The following CHD1L variants were observed in gnomAD, a reference collection of about 807,000 sequenced individuals.
CHD1L encodes the protein chromodomain helicase DNA binding protein 1 like.
Under a neutral mutation model 115.9 loss-of-function variants are expected in CHD1L, and 118 were observed. That is an observed-to-expected ratio of 1.02 (90% confidence interval 0.88 to 1.19). The LOEUF is 1.19. CHD1L is among the 50% of genes most tolerant of loss of function. The pLI, the probability that CHD1L is intolerant of heterozygous loss-of-function variation, is 0.00. For synonymous variants in CHD1L, 411 were observed against 387.1 expected (o/e 1.06, Z -0.72); for missense variants, 1,179 against 1,065.3 (o/e 1.11, Z -1.49).
intron 1 of CHD1L, among the ~76,000 whole-genome samples, chr1:147,249,310 A>G (rs1667613484): frequency 6.6e-6 from 1 of 151,156 alleles, no homozygotes; most frequent in Admixed American, 6.6e-5. Context: ...TTCCTCTTTA[A>G]GTAAGGTGTT....
At chr1:147,291,012 C>T (rs1458460952) in intron 19 of CHD1L, among the ~76,000 whole-genome samples, 1 of 152,134 alleles carries the variant, frequency 6.6e-6, no homozygotes, top group African/African-American at 2.4e-5. Flanking sequence ...TTCACATCAG[C>T]TTATGTAAAG....
At chr1:147,173,746 A>C in the CHD1L span, among the ~76,000 whole-genome samples, 1 of 152,218 alleles carries the variant, frequency 6.6e-6, no homozygotes, top group African/African-American at 2.4e-5. Context: ...TTAGAAATGC[A>C]GAATCAGGCC....
chr1:147,292,994 AG>A (rs1686147686), intron 20 of CHD1L, among the ~76,000 whole-genome samples: 2 of 104,190 alleles, frequency 1.9e-5, no homozygotes, highest in Non-Finnish European at 5.1e-5. Flanking sequence ...ATGCTAAAAA[AG>A]GAGAAAAGTA....
At chr1:147,275,125 C>A (rs963163811) in intron 12 of CHD1L, among the ~76,000 whole-genome samples, 1 of 152,208 alleles carries the variant, frequency 6.6e-6, no homozygotes, top group African/African-American at 2.4e-5. Context: ...TCCGCTCATT[C>A]TGTTCCATTC....
chr1:147,173,479 A>G, the CHD1L span: 3 of 152,278 alleles, frequency 2.0e-5, no homozygotes, highest in Non-Finnish European at 4.4e-5. Context: ...GCTAAGAAAC[A>G]GCATACACAG....
the CHD1L span, chr1:147,210,212 C>T: frequency 4.6e-5 from 7 of 152,118 alleles, no homozygotes; most frequent in Admixed American, 4.6e-4. Context: ...AACTCCAAAG[C>T]CTGTGCTTAA....
the CHD1L span, chr1:147,201,612 C>T: frequency 2.0e-5 from 15 of 757,026 alleles, 2 homozygotes; most frequent in South Asian, 2.6e-4. Flanking sequence ...AATAATCTTC[C>T]CCTTGGTCTA....
At chr1:147,271,768 A>T (rs782671316) in intron 11 of CHD1L, among the ~76,000 whole-genome samples, 2 of 152,172 alleles carry the variant, frequency 1.3e-5, no homozygotes, top group Non-Finnish European at 2.9e-5. Flanking sequence ...CCTCACTGAA[A>T]GGCAGATTGC....
chr1:147,232,247 A>G, the CHD1L span, among the ~76,000 whole-genome samples: 2 of 152,196 alleles, frequency 1.3e-5, no homozygotes, highest in Admixed American at 6.5e-5. Flanking sequence ...GTAAACCTTA[A>G]TAAGTCAATC....
At chr1:147,241,471 C>T (rs1051931851), upstream of CHD1L, among the ~76,000 whole-genome samples, 3 of 152,136 alleles carry the variant, frequency 2.0e-5, no homozygotes, top group South Asian at 2.1e-4. Flanking sequence ...TCTTATAAAA[C>T]GACCCCACCC....
At chr1:147,282,991 G>A (rs1681515801) in intron 15 of CHD1L, among the ~76,000 whole-genome samples, 1 of 152,194 alleles carries the variant, frequency 6.6e-6, no homozygotes, top group African/African-American at 2.4e-5. Flanking sequence ...AAGATAGGAA[G>A]TATGATTACA....
chr1:147,206,630 A>G, the CHD1L span, among the ~76,000 whole-genome samples: 1 of 152,166 alleles, frequency 6.6e-6, no homozygotes, highest in Non-Finnish European at 1.5e-5. Flanking sequence ...GGATGAAGCT[A>G]GAAACCATCA....
chr1:147,275,279 A>C (rs1677909149), intron 12 of CHD1L, 75 bp from the exon 13 acceptor site: 3 of 1,072,128 alleles, frequency 2.8e-6, no homozygotes, highest in Non-Finnish European at 4.3e-6. Flanking sequence ...AGTCTGACCC[A>C]CTCTAGCCTT....
chr1:147,283,970 TAA>T (rs1405781070), intron 15 of CHD1L, among the ~76,000 whole-genome samples: 3 of 152,366 alleles, frequency 2.0e-5, no homozygotes, highest in African/African-American at 7.2e-5. Flanking sequence ...AGCTGAATAT[TAA>T]AAGTGTGTTT....
intron 19 of CHD1L, among the ~76,000 whole-genome samples, chr1:147,288,325 T>TAAAAAAAAAAGA (rs1684101604): frequency 1.1e-5 from 1 of 90,030 alleles, no homozygotes; most frequent in Non-Finnish European, 2.1e-5. Context: ...CCTGTTTCAA[T>TAAAAAAAAAAGA]AAAAAAAAAA....
the CHD1L span, among the ~76,000 whole-genome samples, chr1:147,190,926 A>G: frequency 6.6e-6 from 1 of 151,898 alleles, no homozygotes; most frequent in African/African-American, 2.4e-5. Flanking sequence ...GAGTGAGAAC[A>G]TGCGGTGTTT....
chr1:147,198,850 C>CAA, the CHD1L span, among the ~76,000 whole-genome samples: 918 of 51,378 alleles, frequency 0.018, 24 homozygotes, highest in African/African-American at 0.039. Flanking sequence ...GACTGCATCT[C>CAA]AAAAAAAAAA....
chr1:147,195,572 A>C, the CHD1L span, among the ~76,000 whole-genome samples: 2 of 152,208 alleles, frequency 1.3e-5, no homozygotes, highest in Non-Finnish European at 2.9e-5. Flanking sequence ...AAATTTAAGT[A>C]AGATGCACAA....
At chr1:147,295,317 A>G (rs1687125936) in intron 22 of CHD1L, 114 bp from the exon 23 acceptor site, 2 of 733,208 alleles carry the variant, frequency 2.7e-6, no homozygotes, top group Non-Finnish European at 4.8e-6. Context: ...ATCGTGAGAG[A>G]ATTAAAGCAT....
Sources: allele counts gnomAD v4.1 joint callset (sites outside exome capture counted in the v4.1 genomes callset), GRCh38; gene constraint gnomAD v4.1.1; transcripts MANE v1.5; gene names NCBI Gene and HGNC (gene_info 2026-07-23, HGNC 2026-07-21).